The following STK33 variants were observed in gnomAD, a reference collection of about 807,000 sequenced individuals.
STK33 encodes serine/threonine-protein kinase 33.
In STK33, 52 loss-of-function variants were observed where a neutral mutation model predicts 58.0. The observed-to-expected ratio is 0.90, with a 90% confidence interval of 0.72 to 1.13. The LOEUF is 1.13. Ranked by LOEUF, STK33 falls within the 50% of genes most tolerant of loss-of-function variation. STK33 has a pLI of 0.00. For missense variants in STK33, 630 were observed against 604.2 expected (o/e 1.04, Z -0.45); for synonymous variants, 215 against 200.1 (o/e 1.07, Z -0.63).
chr11:8,544,490 C>T (rs1955765136), intron 1 of STK33, among the ~76,000 whole-genome samples: 1 of 150,662 alleles, frequency 6.6e-6, no homozygotes, highest in African/African-American at 2.4e-5. Flanking sequence ...TTTATTTTTT[C>T]TTTATAGCTT....
At chr11:8,356,719 G>GA in the STK33 span, among the ~76,000 whole-genome samples, 1 of 152,152 alleles carries the variant, frequency 6.6e-6, no homozygotes, top group Non-Finnish European at 1.5e-5. Context: ...GGCATCTGAG[G>GA]AGCCGGAAGA....
At chr11:8,470,922 G>A (rs1948718025) in intron 6 of STK33, among the ~76,000 whole-genome samples, 2 of 152,120 alleles carry the variant, frequency 1.3e-5, no homozygotes, top group African/African-American at 2.4e-5. Context: ...AATACTGTGA[G>A]AATTACCAAA....
chr11:8,401,785 C>T (rs1169522099), intron 15 of STK33, among the ~76,000 whole-genome samples: 1 of 151,968 alleles, frequency 6.6e-6, no homozygotes, highest in African/African-American at 2.4e-5. Flanking sequence ...AAAAAACAAC[C>T]CCATCAAAAA....
the STK33 span, among the ~76,000 whole-genome samples, chr11:8,384,692 G>A: frequency 3.9e-5 from 6 of 152,110 alleles, no homozygotes; most frequent in African/African-American, 1.2e-4. Flanking sequence ...TGTCTGCTTC[G>A]GCGATCACAA....
At chr11:8,439,869 T>TTATATATATATATATATATA (rs551629890) in intron 12 of STK33, among the ~76,000 whole-genome samples, 4,274 of 106,668 alleles carry the variant, frequency 0.04, 272 homozygotes, top group South Asian at 0.11. Context: ...TATATTATAA[T>TTATATATATATATATATATA]TATATATATA....
chr11:8,474,743 T>G lies in STK33; in HGVS notation c.163A>C (p.Ile55Leu), dbSNP rs1949105317. 4 of 1,612,808 alleles carry G rather than the reference T, an allele frequency of 2.5e-6. No individual in the cohort carries two copies. Among genetic ancestry groups the G allele is most frequent in the African/African-American group, 1.3e-5 (1 of 74,852 alleles). The change falls in exon 5 of 16, where the codon ATT (isoleucine) becomes CTT (leucine). Residue 55 changes from isoleucine (I) to leucine (L), a missense_variant. By Grantham distance (5) the Ile-to-Leu change is conservative (BLOSUM62 2). Coordinates refer to ENST00000687296, the MANE Select transcript of STK33 (RefSeq NM_001352389.2). Reference sequence around the variant, plus strand: ...TTTTCTTTTTTTCTCTCCAGTGAAATTAAAGATTCTGCACTACCAATGCTT... The same window carrying G: ...TTTTCTTTTTTTCTCTCCAGTGAAAGTAAAGATTCTGCACTACCAATGCTT... ...TSSIGSAESL[I>L]SLERKKEKNI...
the STK33 span, among the ~76,000 whole-genome samples, chr11:8,366,376 C>T: frequency 6.6e-6 from 1 of 152,194 alleles, no homozygotes; most frequent in Non-Finnish European, 1.5e-5. Context: ...GGACACAGGA[C>T]AGAGACTGTG....
Position 8,533,721 on chromosome 11 carries a change from AAG to A in STK33, c.-465-53109_-465-53108del, listed in dbSNP as rs374444640. ...GAGCTGTGGCTCCAATTCTAAAATA[AAG>A]ACCCCCAAGAATTTGATATGTAAAA... On this transcript the variant is annotated intron_variant, in intron 1 of 15. Transcript: ENST00000687296. Among the ~76,000 whole-genome samples the A allele has an allele frequency of 2.0e-3, 300 of 152,358 alleles. 2 individuals are homozygous for A. The highest frequency in any genetic ancestry group is 6.9e-3 in the African/African-American group (285 of 41,576).
intron 1 of STK33, among the ~76,000 whole-genome samples, chr11:8,484,663 A>G (rs934337815): frequency 1.3e-5 from 2 of 152,252 alleles, no homozygotes; most frequent in Non-Finnish European, 2.9e-5. Flanking sequence ...ACCAAAGTCT[A>G]TCAAATAAAA....
chr11:8,344,658 A>G, the STK33 span, among the ~76,000 whole-genome samples: 1 of 152,222 alleles, frequency 6.6e-6, no homozygotes, highest in Non-Finnish European at 1.5e-5. Flanking sequence ...AATGACCATT[A>G]TTTTATATCC....
intron 11 of STK33, among the ~76,000 whole-genome samples, chr11:8,451,713 T>G (rs115983155): frequency 1.3e-5 from 2 of 152,188 alleles, no homozygotes; most frequent in South Asian, 4.1e-4. Flanking sequence ...TGAAAAATCA[T>G]TGTATTTTTA....
At chr11:8,423,678 G>C (rs1440516971) in intron 14 of STK33, among the ~76,000 whole-genome samples, 3 of 152,004 alleles carry the variant, frequency 2.0e-5, no homozygotes, top group Non-Finnish European at 4.4e-5. Flanking sequence ...TTGAGAACAT[G>C]TACATTCTCT....
intron 6 of STK33, among the ~76,000 whole-genome samples, chr11:8,470,077 G>A (rs1020758064): frequency 1.3e-5 from 2 of 152,204 alleles, no homozygotes; most frequent in Non-Finnish European, 2.9e-5. Flanking sequence ...TAACAGGAGA[G>A]TCAGTCTGTC....
chr11:8,557,326 G>C (rs937423311), intron 1 of STK33, among the ~76,000 whole-genome samples: 2 of 140,182 alleles, frequency 1.4e-5, no homozygotes, highest in African/African-American at 5.4e-5. Flanking sequence ...AGAAAAGAAA[G>C]AGGGAGGCAA....
At chr11:8,457,563 C>T in intron 8 of STK33, 84 bp from the exon 9 acceptor site, 4 of 1,129,208 alleles carry the variant, frequency 3.5e-6, no homozygotes, top group Non-Finnish European at 4.9e-6. Flanking sequence ...TATACAATCA[C>T]AGTCATAATC....
At chr11:8,547,960 A>C (rs1199736125) in intron 1 of STK33, among the ~76,000 whole-genome samples, 1 of 147,598 alleles carries the variant, frequency 6.8e-6, no homozygotes, top group Non-Finnish European at 1.5e-5. Context: ...GGAACTGAAC[A>C]ATGAGAACAC....
intron 1 of STK33, among the ~76,000 whole-genome samples, chr11:8,592,096 A>T (rs1359610947): frequency 1.3e-5 from 2 of 152,136 alleles, no homozygotes. Flanking sequence ...CAAAGTTCAG[A>T]AAAACAAGCA....
intron 11 of STK33, among the ~76,000 whole-genome samples, chr11:8,450,724 A>G (rs567127079): frequency 4.3e-4 from 65 of 152,330 alleles, no homozygotes; most frequent in Non-Finnish European, 7.5e-4. Flanking sequence ...AGCTACAGTC[A>G]AAGCTCCTAA....
In STK33 at chr11:8,473,282, AC is replaced by A; in HGVS notation, c.226-7del. The A allele has an allele frequency of 6.5e-7, 1 of 1,544,334 alleles. No individual in the cohort carries two copies. The highest frequency in any genetic ancestry group is 8.8e-7 in the Non-Finnish European group (1 of 1,137,316). ...ACATTTGAGGTTCTTGAGGGCTGGG[AC>A]CAAAAAAAAAATTAAAAAAAAAAAA... On this transcript the variant is annotated splice_region_variant and splice_polypyrimidine_tract_variant and intron_variant, in intron 5 of 15. Transcript: ENST00000687296.
Sources: gnomAD v4.1 joint callset for allele counts (sites outside exome capture counted in the v4.1 genomes callset) on GRCh38, gnomAD v4.1.1 for gene constraint, MANE v1.5 for transcripts, NCBI Gene and HGNC (gene_info 2026-07-23, HGNC 2026-07-21) for gene names.